SPAG9: variants seen among roughly 807,000 people sequenced by gnomAD.
The protein encoded by SPAG9 is sperm associated antigen 9, also known as C-Jun-amino-terminal kinase-interacting protein 4.
SPAG9 carries 35 observed loss-of-function variants against 166.5 expected under a neutral mutation model. The observed-to-expected ratio is 0.21, with a 90% CI of 0.16 to 0.28. SPAG9 has a LOEUF of 0.28. Among genes scored for constraint, SPAG9 ranks in the 10% least tolerant of loss-of-function variants. The probability of loss-of-function intolerance (pLI) is 1.00; values close to 1 mark genes in which losing one functional copy is unlikely to be tolerated. For synonymous variants in SPAG9, 534 were observed against 565.5 expected (o/e 0.94, Z 0.79); for missense variants, 1,235 against 1,603.3 (o/e 0.77, Z 3.92).
chr17:51,119,882 G>C (rs1453258352), intron 1 of SPAG9, among the ~76,000 whole-genome samples: 2 of 152,118 alleles, frequency 1.3e-5, no homozygotes, highest in East Asian at 1.9e-4. Context: ...ACCGAAAGAG[G>C]GAGATCTCTA....
chr17:51,069,996 C>A lies in SPAG9; in HGVS notation c.424+9588G>T, dbSNP rs190386358. ...TCACAGCCACGGGTGCAGTGGCATGCACCTGAGGTGGGCTCCCTCACGGGA... is the reference window on the plus strand; with the variant it reads ...TCACAGCCACGGGTGCAGTGGCATGAACCTGAGGTGGGCTCCCTCACGGGA... On this transcript the variant is annotated intron_variant, in intron 2 of 29. Coordinates refer to ENST00000262013, the MANE Select transcript of SPAG9 (RefSeq NM_001130528.3). Among the ~76,000 whole-genome samples, 7 of 151,914 alleles carry A rather than the reference C, an allele frequency of 4.6e-5. No individual in the cohort carries two copies. In the East Asian group the frequency reaches 1.2e-3, roughly 25 times the overall value.
chr17:51,108,215 C>T (rs984368328), intron 1 of SPAG9, among the ~76,000 whole-genome samples: 4 of 151,814 alleles, frequency 2.6e-5, no homozygotes, highest in Admixed American at 2.0e-4. Context: ...GGCAAAACCC[C>T]GTCTCTACTA....
At chr17:51,079,794 T>A in intron 1 of SPAG9, 90 bp from the exon 2 acceptor site, 1 of 890,698 alleles carries the variant, frequency 1.1e-6, no homozygotes, top group East Asian at 2.6e-5. Context: ...TAATCACAAT[T>A]AGGTATTAAC....
In SPAG9 at chr17:50,999,685, T is replaced by A; in HGVS notation, c.1640A>T (p.Lys547Ile). 1 of 1,613,788 alleles carries A rather than the reference T, an allele frequency of 6.2e-7. No individual in the cohort carries two copies. Among genetic ancestry groups the A allele is most frequent in the Non-Finnish European group, 8.5e-7 (1 of 1,179,836 alleles). Residue 547 changes from lysine (K) to isoleucine (I), a missense_variant, in exon 14 of 30, where the codon AAA becomes ATA. Coordinates refer to ENST00000262013, the MANE Select transcript of SPAG9 (RefSeq NM_001130528.3). ...CAACTGCCAAATGCTTGACCTTTTT[T>A]TTTCCTGCATGGCTGGATTTTCTCG... ...ASRENPAMQE[K>I]KRSSIWQFFS...
In SPAG9 at chr17:51,105,704, C is replaced by A. The variant is rs1347390825; in HGVS notation, c.303+14650G>T. 3.3e-5 allele frequency among the ~76,000 whole-genome samples: 5 copies of A among 151,944 alleles called. No homozygotes were observed. In the South Asian group the frequency reaches 1.0e-3, roughly 32 times the overall value. ...CTAACACAGTGAAACCTCGTCTCTA[C>A]TAAAAATACAAAAAAATTAGCTGGG... On this transcript the variant is annotated intron_variant, in intron 1 of 29. Coordinates refer to ENST00000262013, the MANE Select transcript of SPAG9 (RefSeq NM_001130528.3).
At chr17:51,079,349 G>A (rs187544257) in intron 2 of SPAG9, among the ~76,000 whole-genome samples, 6 of 151,616 alleles carry the variant, frequency 4.0e-5, no homozygotes, top group African/African-American at 7.3e-5. Flanking sequence ...AATGGTTCTC[G>A]TGCCTCAGCC....
chr17:50,995,764 C>T (rs1271565352), intron 16 of SPAG9: 6 of 437,230 alleles, frequency 1.4e-5, no homozygotes, highest in South Asian at 3.4e-5. Context: ...CAGGCTTAAG[C>T]GGTCCCCTCC....
intron 1 of SPAG9, among the ~76,000 whole-genome samples, chr17:51,117,774 A>G (rs2049335355): frequency 6.7e-6 from 1 of 150,230 alleles, no homozygotes; most frequent in Admixed American, 6.7e-5. Context: ...CACAGAATTC[A>G]CTCTACATAT....
At chr17:51,010,809 T>C (rs1267495250) in intron 9 of SPAG9, among the ~76,000 whole-genome samples, 1 of 151,894 alleles carries the variant, frequency 6.6e-6, no homozygotes, top group Non-Finnish European at 1.5e-5. Flanking sequence ...CTCCAAGTCA[T>C]TTTAGGGGTG....
intron 25 of SPAG9, among the ~76,000 whole-genome samples, chr17:50,981,808 G>A (rs1396316810): frequency 6.6e-6 from 1 of 151,610 alleles, no homozygotes; most frequent in Admixed American, 6.6e-5. Context: ...AAGGTGGGCG[G>A]ATCACGAGGT....
intron 9 of SPAG9, among the ~76,000 whole-genome samples, chr17:51,009,725 T>C (rs900617536): frequency 1.9e-4 from 29 of 152,128 alleles, no homozygotes; most frequent in African/African-American, 6.0e-4. Flanking sequence ...GGGAAAACAC[T>C]ACAAAAAGTC....
intron 5 of SPAG9, among the ~76,000 whole-genome samples, chr17:51,033,310 G>GAAAAAAAAA (rs368879602): frequency 1.1e-5 from 1 of 86,982 alleles, no homozygotes. Flanking sequence ...GTCATTAAAT[G>GAAAAAAAAA]AAAAAAAAAA....
chr17:51,117,683 T>C (rs1276140231), intron 1 of SPAG9, among the ~76,000 whole-genome samples: 3 of 114,822 alleles, frequency 2.6e-5, no homozygotes, highest in Non-Finnish European at 4.9e-5. Context: ...CACTCCAGCC[T>C]GGGTGACAGA....
intron 29 of SPAG9, among the ~76,000 whole-genome samples, chr17:50,969,115 T>G (rs905374567): frequency 4.6e-5 from 7 of 152,060 alleles, no homozygotes; most frequent in African/African-American, 9.7e-5. Flanking sequence ...GTATTTTTAT[T>G]AGAGACTGGG....
At chr17:50,967,455 C>A (rs1208066903) in intron 29 of SPAG9, among the ~76,000 whole-genome samples, 1 of 152,166 alleles carries the variant, frequency 6.6e-6, no homozygotes, top group African/African-American at 2.4e-5. Flanking sequence ...CCTTACCCAG[C>A]CCTGTAATGG....
intron 17 of SPAG9, 44 bp downstream of exon 17, chr17:50,995,400 C>T (rs2044633068): frequency 6.7e-7 from 1 of 1,503,206 alleles, no homozygotes; most frequent in Non-Finnish European, 9.1e-7. Context: ...AAAAAACTAC[C>T]CAGAGTTTAG....
At chr17:51,030,145 C>A (rs185080276) in intron 6 of SPAG9, among the ~76,000 whole-genome samples, 1 of 152,164 alleles carries the variant, frequency 6.6e-6, no homozygotes, top group Admixed American at 6.5e-5. Flanking sequence ...ACCAAATGCA[C>A]CATGTGCTTA....
At chr17:51,046,562 A>G (rs1167791064) in intron 4 of SPAG9, 2 of 1,536,206 alleles carry the variant, frequency 1.3e-6, no homozygotes, top group East Asian at 2.4e-5. Flanking sequence ...AAAAGTGCAC[A>G]AGCAGCAAAA....
chr17:50,975,948 G>A, intron 27 of SPAG9: 2 of 1,430,830 alleles, frequency 1.4e-6, no homozygotes, highest in Non-Finnish European at 1.9e-6. Flanking sequence ...TGCATGACAG[G>A]GAGGAGAGAA....
Sources: gnomAD v4.1 joint callset for allele counts (sites outside exome capture counted in the v4.1 genomes callset) on GRCh38, gnomAD v4.1.1 for gene constraint, MANE v1.5 for transcripts, NCBI Gene and HGNC (gene_info 2026-07-23, HGNC 2026-07-21) for gene names.